EPHA7: variants seen among roughly 807,000 people sequenced by gnomAD.
The protein encoded by EPHA7 is EPH receptor A7.
A neutral mutation model predicts 112.6 loss-of-function variants in EPHA7; 25 were observed. That is an observed-to-expected ratio of 0.22 (90% confidence interval 0.16 to 0.31). EPHA7 has a LOEUF of 0.31. Ranked by LOEUF, EPHA7 falls within the 10% of genes least tolerant of loss-of-function variation. The pLI, the probability that EPHA7 is intolerant of heterozygous loss-of-function variation, is 1.00. For missense variants in EPHA7, 962 were observed against 1,212.6 expected (o/e 0.79, Z 3.07); for synonymous variants, 437 against 406.5 (o/e 1.07, Z -0.90).
chr6:93,269,503 T>A lies in EPHA7; in HGVS notation c.1607A>T (p.Glu536Val). 2 of 1,611,102 alleles carry A rather than the reference T, an allele frequency of 1.2e-6. No individual in the cohort carries two copies. Among genetic ancestry groups the A allele is most frequent in the Non-Finnish European group, 1.7e-6 (2 of 1,178,112 alleles). Residue 536 changes from glutamate (E) to valine (V), a missense_variant, in exon 7 of 17, where the codon GAG becomes GTG. Physicochemically the swap from Glu to Val is moderately radical, Grantham distance 121 (BLOSUM62 -2). Transcript: ENST00000369303. ...YSPRLDVATL[E>V]EATGKMFEAT... Reference sequence around the variant, plus strand: ...TTCAAACATTTTACCTGTAGCTTCCTCTAGTGTAGCAACATCAAGTCTGGG... The same window carrying A: ...TTCAAACATTTTACCTGTAGCTTCCACTAGTGTAGCAACATCAAGTCTGGG...
At chr6:93,380,857 A>G (rs188498161) in intron 3 of EPHA7, among the ~76,000 whole-genome samples, 3 of 151,944 alleles carry the variant, frequency 2.0e-5, no homozygotes, top group African/African-American at 7.2e-5. Flanking sequence ...ACTATTAAAA[A>G]CCCTGTTTTT....
rs542796105 is a variant in EPHA7 at position 93,384,453 on chromosome 6, A to G, written c.833-26042T>C. On this transcript the variant is annotated intron_variant, in intron 3 of 16. Coordinates refer to ENST00000369303, the MANE Select transcript of EPHA7 (RefSeq NM_004440.4). ...TCTTGGCCATTGTTCCATAACTACA[A>G]AGAGTAGTACAAATTCTTTGGTACA... Among the ~76,000 whole-genome samples the G allele has an allele frequency of 1.2e-4, 18 of 152,296 alleles. No individual in the cohort carries two copies. In the South Asian group the frequency reaches 3.7e-3, roughly 32 times the overall value.
chr6:93,385,097 T>C (rs556455381), intron 3 of EPHA7, among the ~76,000 whole-genome samples: 7 of 152,308 alleles, frequency 4.6e-5, no homozygotes, highest in South Asian at 2.1e-4. Flanking sequence ...TACACTATTA[T>C]ATACCAATTT....
At position 93,263,896 on chromosome 6, in the gene EPHA7, C is replaced by T; in HGVS notation, c.1762G>A (p.Ala588Thr). 1 of 1,609,464 alleles carries T rather than the reference C, an allele frequency of 6.2e-7. No homozygotes were observed. The highest frequency in any genetic ancestry group is 8.5e-7 in the Non-Finnish European group (1 of 1,177,090). The change falls in exon 9 of 17, where the codon GCT becomes ACT. Residue 588 changes from alanine (A) to threonine (T), a missense_variant. Transcript: ENST00000369303. ...IGRRHCGYSK[A>T]DQEGDEELYF... ...AGCTCTTCATCGCCTTCTTGGTCAG[C>T]TTTGCTATAACCACAGTGCCTTGAA...
chr6:93,366,432 C>T (rs1316245976), intron 3 of EPHA7, among the ~76,000 whole-genome samples: 2 of 152,148 alleles, frequency 1.3e-5, no homozygotes, highest in Admixed American at 1.3e-4. Context: ...ATAACAAGAA[C>T]ACAGTAATGA....
At position 93,419,518 on chromosome 6, in the gene EPHA7, C is replaced by T. The variant is rs535302481; in HGVS notation, c.-177G>A. ...TTAATTTCCCCCCCACTCCTGTTCG[C>T]TCGCACCGTGTTTGCTGCCTGCAAG... is the stretch of plus-strand genomic sequence containing the variant. On this transcript the variant is annotated 5_prime_UTR_variant, in exon 1 of 17. Coordinates refer to ENST00000369303, the MANE Select transcript of EPHA7 (RefSeq NM_004440.4). 5.2e-5 allele frequency: 29 copies of T among 560,832 alleles called. No individual in the cohort carries two copies. In the African/African-American group the frequency reaches 5.4e-4, roughly 10 times the overall value. The allele number at this position is 560,832 out of a possible 1,614,324, so 34.7% of individuals were successfully genotyped here. A position where few individuals can be genotyped will look rare whatever the true frequency, so the allele number is the denominator to read the frequency against.
chr6:93,311,112 C>CTTTTTTTTTTTTT (rs1434719790), intron 5 of EPHA7, among the ~76,000 whole-genome samples: 7 of 71,018 alleles, frequency 9.9e-5, no homozygotes, highest in African/African-American at 4.7e-4. Context: ...TCATGCCCAG[C>CTTTTTTTTTTTTT]TATTTTTTTT....
At chr6:93,263,063 T>C (rs1319208652) in intron 9 of EPHA7, among the ~76,000 whole-genome samples, 1 of 151,318 alleles carries the variant, frequency 6.6e-6, no homozygotes, top group Admixed American at 6.6e-5. Context: ...AAAATAATAA[T>C]AAAATTGGTT....
At chr6:93,304,589 C>T (rs903810654) in intron 5 of EPHA7, among the ~76,000 whole-genome samples, 2 of 151,856 alleles carry the variant, frequency 1.3e-5, no homozygotes, top group Non-Finnish European at 2.9e-5. Flanking sequence ...GAAGTCAGTC[C>T]GGGAAATTAG....
At chr6:93,314,334 A>G (rs569025483) in intron 5 of EPHA7, among the ~76,000 whole-genome samples, 3 of 152,216 alleles carry the variant, frequency 2.0e-5, no homozygotes, top group Admixed American at 6.5e-5. Flanking sequence ...TTTAACTAGC[A>G]TAGTAATCAT....
At chr6:93,284,354 C>T (rs549771509) in intron 5 of EPHA7, among the ~76,000 whole-genome samples, 13 of 151,442 alleles carry the variant, frequency 8.6e-5, no homozygotes, top group African/African-American at 3.1e-4. Context: ...TCTGGTGTTC[C>T]TCAGAGTGAT....
intron 1 of EPHA7, 37 bp downstream of exon 1, chr6:93,419,208 A>G (rs758151350): frequency 3.8e-6 from 6 of 1,563,328 alleles, no homozygotes; most frequent in Middle Eastern, 1.7e-4. Flanking sequence ...ATCTAAATAA[A>G]TAAGTCAGAA....
rs1225061161 is a variant in EPHA7, at chr6:93,240,167, G to A, written c.*3259C>T. On this transcript the variant is annotated 3_prime_UTR_variant, in exon 17 of 17. Transcript: ENST00000369303. ...TTGTCCTTATAAAAGGATGACCCCT[G>A]TAGTATTTCTTAGGCAAGGAGGGAC... 4.5e-6 allele frequency: 1 copy of A among 223,754 alleles called. No homozygotes were observed. 13.9% of individuals were successfully genotyped at this position (223,754 alleles called of 1,614,324 possible).
chr6:93,301,212 T>C (rs1562080950), intron 5 of EPHA7, among the ~76,000 whole-genome samples: 1 of 152,218 alleles, frequency 6.6e-6, no homozygotes, highest in Non-Finnish European at 1.5e-5. Flanking sequence ...ATGTATTTTC[T>C]TTTAAGTTTC....
chr6:93,276,075 G>A (rs1245446333), intron 5 of EPHA7, among the ~76,000 whole-genome samples: 2 of 151,986 alleles, frequency 1.3e-5, no homozygotes, highest in African/African-American at 2.4e-5. Flanking sequence ...GTGACCCCAC[G>A]AAGATGTCTA....
intron 3 of EPHA7, among the ~76,000 whole-genome samples, chr6:93,361,752 A>ACAGC (rs1008259557): frequency 2.0e-4 from 30 of 152,196 alleles, no homozygotes; most frequent in African/African-American, 7.0e-4. Context: ...GAATTGTGCA[A>ACAGC]CAGCAGTTTT....
intron 3 of EPHA7, among the ~76,000 whole-genome samples, chr6:93,369,598 G>C (rs958063134): frequency 1.3e-5 from 2 of 152,090 alleles, no homozygotes; most frequent in Non-Finnish European, 2.9e-5. Flanking sequence ...AGGCTACTTA[G>C]GAGAACAGTT....
intron 1 of EPHA7, among the ~76,000 whole-genome samples, chr6:93,417,747 G>T (rs1198069553): frequency 6.6e-6 from 1 of 152,068 alleles, no homozygotes; most frequent in Non-Finnish European, 1.5e-5. Flanking sequence ...TTTTGGAGGG[G>T]ATGAGCGTGC....
At chr6:93,390,597 A>C (rs1223635598) in intron 3 of EPHA7, among the ~76,000 whole-genome samples, 2 of 151,536 alleles carry the variant, frequency 1.3e-5, no homozygotes, top group Admixed American at 6.6e-5. Flanking sequence ...TTATACACAT[A>C]CAGGGCTGGG....
Sources: gnomAD v4.1 joint callset for allele counts (sites outside exome capture counted in the v4.1 genomes callset) on GRCh38, gnomAD v4.1.1 for gene constraint, MANE v1.5 for transcripts, NCBI Gene and HGNC (gene_info 2026-07-23, HGNC 2026-07-21) for gene names.